Variants in SNX4 observed in about 807,000 individuals in gnomAD.
SNX4 encodes the protein sorting nexin 4.
A neutral mutation model predicts 70.8 loss-of-function variants in SNX4; 49 were observed. The observed-to-expected ratio is 0.69, with a 90% CI of 0.55 to 0.88. The LOEUF (loss-of-function observed/expected upper bound fraction) is 0.88, where lower values mean the gene tolerates loss of function less well. Among genes scored for constraint, SNX4 ranks in the 40% least tolerant of loss-of-function variants. The pLI, the probability that SNX4 is intolerant of heterozygous loss-of-function variation, is 0.00. For synonymous variants in SNX4, 206 were observed against 183.8 expected (o/e 1.12, Z -0.98); for missense variants, 528 against 544.8 (o/e 0.97, Z 0.31).
At chr3:125,491,039 A>T (rs1336157191) in intron 5 of SNX4, among the ~76,000 whole-genome samples, 1 of 152,180 alleles carries the variant, frequency 6.6e-6, no homozygotes. Context: ...AATATAACAA[A>T]TATACTACTC....
intron 2 of SNX4, among the ~76,000 whole-genome samples, chr3:125,500,544 G>A (rs917194584): frequency 6.6e-6 from 1 of 152,020 alleles, no homozygotes; most frequent in African/African-American, 2.4e-5. Context: ...GCTCATGCCT[G>A]TAATCCCAGC....
chr3:125,480,300 G>A lies in SNX4; in HGVS notation c.673C>T (p.His225Tyr), dbSNP rs749448220. The change falls in exon 7 of 14, where the codon CAC (histidine) becomes TAC (tyrosine). Residue 225 changes from histidine to tyrosine, a missense_variant. This residue lies in a region of SNX4 where 341 missense variants were observed against 312.2 expected (regional missense o/e 1.09). Transcript: ENST00000251775. ...ACAGACTGCAGTTCATCACTATAGT[G>A]CTTAAGGTCAGTAAATCTCCTGAAA... ...NPDKRFTDLK[H>Y]YSDELQSVIS... The A allele has an allele frequency of 6.5e-6, 10 of 1,541,754 alleles. No homozygotes were observed. In the Admixed American group the frequency reaches 1.9e-4, roughly 30 times the overall value.
intron 11 of SNX4, 122 bp downstream of exon 11, chr3:125,457,144 C>G (rs773119626): frequency 1.5e-6 from 1 of 685,178 alleles, no homozygotes; most frequent in Admixed American, 2.5e-5. Flanking sequence ...AAGGTTCAGC[C>G]GTCCTGAGTA....
intron 8 of SNX4, 54 bp downstream of exon 8, chr3:125,476,641 T>C: frequency 2.0e-6 from 2 of 1,016,772 alleles, no homozygotes; most frequent in East Asian, 4.8e-5. Flanking sequence ...ATTATTGTTT[T>C]CAGGCAAAAA....
intron 13 of SNX4, 61 bp from the exon 14 acceptor site, chr3:125,447,887 C>A: frequency 1.8e-6 from 2 of 1,117,958 alleles, no homozygotes; most frequent in Non-Finnish European, 2.6e-6. Flanking sequence ...AACCCAAGTA[C>A]TTGGCTTAGT....
chr3:125,478,007 C>T (rs185854019), intron 7 of SNX4, among the ~76,000 whole-genome samples: 44 of 152,120 alleles, frequency 2.9e-4, no homozygotes, highest in Admixed American at 7.9e-4. Flanking sequence ...TGTCCCCAGA[C>T]CTCTAAACTA....
rs1934185774 is a variant in SNX4 at position 125,472,006 on chromosome 3, C to T, written c.789-2487G>A. ...CATCAGCAGCACCATGAACATACTA[C>T]AAAATCTTCCCTGTTTCTTCTCTGT... On this transcript the variant is annotated intron_variant, in intron 8 of 13. Coordinates refer to ENST00000251775, the MANE Select transcript of SNX4 (RefSeq NM_003794.4). Among the ~76,000 whole-genome samples the T allele has an allele frequency of 2.0e-5, 3 of 152,144 alleles. No individual in the cohort carries two copies. The South Asian group carries it at 6.2e-4, about 32-fold the overall frequency.
Position 125,497,878 on chromosome 3 carries a change from G to T in SNX4, c.505C>A (p.Pro169Thr), listed in dbSNP as rs1333224684. The change falls in exon 4 of 14, where the codon CCC becomes ACC. Residue 169 changes from proline (P) to threonine (T), a missense_variant. Pro to Thr is a conservative substitution (Grantham distance 38). Transcript: ENST00000251775. Reference sequence around the variant, plus strand: ...AAGATTTTGTCTCTACAAAGGATGGGATGTGAAGCAATCCTCAAGAGAAAG... The same window carrying T: ...AAGATTTTGTCTCTACAAAGGATGGTATGTGAAGCAATCCTCAAGAGAAAG... ...ENFLLRIASH[P>T]ILCRDKIFYL... is the part of the protein sequence containing the mutation. The T allele has an allele frequency of 6.2e-7, 1 of 1,613,828 alleles. No individual in the cohort carries two copies. Among genetic ancestry groups the T allele is most frequent in the African/African-American group, 1.3e-5 (1 of 74,914 alleles).
chr3:125,459,909 C>T (rs927721704), intron 10 of SNX4, among the ~76,000 whole-genome samples: 18 of 151,832 alleles, frequency 1.2e-4, no homozygotes, highest in African/African-American at 3.9e-4. Flanking sequence ...CTTTTAAAAG[C>T]GACAGGACAG....
At chr3:125,451,614 T>C (rs528370779) in intron 12 of SNX4, among the ~76,000 whole-genome samples, 195 bp from the exon 13 acceptor site, 1 of 152,316 alleles carries the variant, frequency 6.6e-6, no homozygotes, top group East Asian at 1.9e-4. Flanking sequence ...TATATTCTTG[T>C]ACCTTTTAAT....
At chr3:125,448,744 C>G (rs1319070449) in intron 13 of SNX4, among the ~76,000 whole-genome samples, 1 of 139,164 alleles carries the variant, frequency 7.2e-6, no homozygotes, top group South Asian at 2.2e-4. Flanking sequence ...GGCGCGATCT[C>G]GGCTCACTGC....
chr3:125,457,555 T>C (rs1413975440), intron 10 of SNX4, among the ~76,000 whole-genome samples, 190 bp from the exon 11 acceptor site: 1 of 146,914 alleles, frequency 6.8e-6, no homozygotes, highest in Non-Finnish European at 1.5e-5. Flanking sequence ...AACCTAACCA[T>C]AAAAACTTCA....
At chr3:125,452,678 C>T (rs1263750901) in intron 12 of SNX4, among the ~76,000 whole-genome samples, 4 of 152,128 alleles carry the variant, frequency 2.6e-5, no homozygotes, top group Middle Eastern at 3.2e-3. Flanking sequence ...AGTGCAGTGG[C>T]GTGATCTCCG....
chr3:125,476,174 G>A (rs1934284747), intron 8 of SNX4, among the ~76,000 whole-genome samples: 1 of 147,594 alleles, frequency 6.8e-6, no homozygotes. Flanking sequence ...GGCTGAGGCA[G>A]AGAACTGCTT....
chr3:125,477,314 A>G (rs1031246939), intron 7 of SNX4, among the ~76,000 whole-genome samples: 7 of 152,230 alleles, frequency 4.6e-5, no homozygotes, highest in African/African-American at 1.7e-4. Context: ...CTTCTATGCT[A>G]CTTTGTCAAA....
chr3:125,465,545 G>A (rs1039148622), intron 9 of SNX4, among the ~76,000 whole-genome samples: 2 of 152,098 alleles, frequency 1.3e-5, no homozygotes, highest in Admixed American at 1.3e-4. Flanking sequence ...CACTGTGCCC[G>A]GCCTAGTAAA....
At chr3:125,481,599 C>A (rs1211121689) in intron 6 of SNX4, among the ~76,000 whole-genome samples, 1 of 152,128 alleles carries the variant, frequency 6.6e-6, no homozygotes. Flanking sequence ...TAGGCATGTA[C>A]CACCACACCC....
chr3:125,489,449 TA>T lies in SNX4; in HGVS notation c.611del (p.Leu204Ter), dbSNP rs781676937. Reference protein sequence around the residue: ...TGFQLKADSRLKALNATFRVK... With the variant: ...TGFQLKADSRXKALNATFRVK... The stretch of plus-strand genomic sequence containing the variant: ...CTCTGAATGTTGCATTAAGCGCTTT[TA>T]ACCTGGAGTCTGCCTGGAAAAAATA... On this transcript the variant is annotated frameshift_variant, in exon 6 of 14. Transcript: ENST00000251775. LOFTEE classifies it high-confidence loss of function. The T allele has an allele frequency of 6.2e-7, 1 of 1,613,148 alleles. No individual in the cohort carries two copies.
intron 5 of SNX4, among the ~76,000 whole-genome samples, chr3:125,495,977 G>T (rs1411003050): frequency 2.6e-5 from 4 of 152,228 alleles, no homozygotes; most frequent in Non-Finnish European, 5.9e-5. Context: ...TTACAGCCAA[G>T]AAAATTCTAA....
Sources: gnomAD v4.1 joint callset for allele counts (sites outside exome capture counted in the v4.1 genomes callset) on GRCh38, gnomAD v4.1.1 for gene constraint, gnomAD v4.1.1 regional missense constraint, MANE v1.5 for transcripts, NCBI Gene and HGNC (gene_info 2026-07-23, HGNC 2026-07-21) for gene names.